Variants in WDR7 observed in about 807,000 individuals in gnomAD.
WDR7 encodes WD repeat domain 7.
Under a neutral mutation model 169.4 loss-of-function variants are expected in WDR7, and 46 were observed. The observed-to-expected ratio is 0.27, with a 90% CI of 0.21 to 0.35. The LOEUF (loss-of-function observed/expected upper bound fraction) is 0.35, where lower values mean the gene tolerates loss of function less well. Ranked by LOEUF, WDR7 falls within the 10% of genes least tolerant of loss-of-function variation. The probability of loss-of-function intolerance (pLI) is 1.00; values close to 1 mark genes in which losing one functional copy is unlikely to be tolerated. For missense variants in WDR7, 1,534 were observed against 1,859.3 expected (o/e 0.83, Z 3.22); for synonymous variants, 612 against 666.8 (o/e 0.92, Z 1.27).
intron 26 of WDR7, among the ~76,000 whole-genome samples, chr18:56,963,061 A>G (rs1200549442): frequency 6.6e-6 from 1 of 152,264 alleles, no homozygotes; most frequent in African/African-American, 2.4e-5. Context: ...CTTTTATAAC[A>G]CTTCACTGTT....
At chr18:56,776,068 C>T (rs2044238688) in intron 16 of WDR7, among the ~76,000 whole-genome samples, 2 of 151,848 alleles carry the variant, frequency 1.3e-5, no homozygotes, top group Admixed American at 6.6e-5. Context: ...TAAGCTGAAA[C>T]ATTTTCTTGG....
Position 56,831,988 on chromosome 18 carries a change from A to G in WDR7, c.3304+15844A>G, listed in dbSNP as rs551801503. On this transcript the variant is annotated intron_variant, in intron 20 of 27. Coordinates refer to ENST00000254442, the MANE Select transcript of WDR7 (RefSeq NM_015285.3). ...GTGGCACCTGGAACATCAGCACATC[A>G]GAACCGTTCACTCCCCTGGAAAGAG... is the stretch of plus-strand genomic sequence containing the variant. 1.9e-3 allele frequency among the ~76,000 whole-genome samples: 295 copies of G among 152,218 alleles called. 2 individuals are homozygous for G. Among genetic ancestry groups the G allele is most frequent in the African/African-American group, 6.9e-3 (285 of 41,540 alleles).
intron 27 of WDR7, among the ~76,000 whole-genome samples, chr18:57,022,814 G>T (rs779471735): frequency 3.9e-5 from 6 of 152,144 alleles, no homozygotes; most frequent in Non-Finnish European, 8.8e-5. Context: ...ACATCTTTTT[G>T]TCTTCCAGTT....
intron 26 of WDR7, among the ~76,000 whole-genome samples, chr18:56,971,829 C>T (rs73444861): frequency 3.9e-5 from 6 of 152,152 alleles, no homozygotes; most frequent in South Asian, 2.1e-4. Context: ...TGTGTGTGAA[C>T]GGTCCATATT....
intron 26 of WDR7, among the ~76,000 whole-genome samples, chr18:57,014,291 A>T (rs2048177413): frequency 6.8e-6 from 1 of 147,128 alleles, no homozygotes; most frequent in South Asian, 2.2e-4. Context: ...GTGCCATTGC[A>T]CTCTGCATTC....
intron 20 of WDR7, among the ~76,000 whole-genome samples, chr18:56,833,836 C>A (rs1210428643): frequency 1.3e-5 from 2 of 152,208 alleles, no homozygotes; most frequent in Non-Finnish European, 2.9e-5. Flanking sequence ...TGCTTACACA[C>A]TGTATTAATT....
intron 19 of WDR7, among the ~76,000 whole-genome samples, chr18:56,787,627 C>G (rs1312396128): frequency 6.6e-6 from 1 of 152,118 alleles, no homozygotes; most frequent in East Asian, 1.9e-4. Flanking sequence ...CCCTTGGAAA[C>G]AGAATAGGCT....
intron 12 of WDR7, among the ~76,000 whole-genome samples, chr18:56,705,372 A>C (rs1403965558): frequency 2.0e-5 from 3 of 152,030 alleles, no homozygotes; most frequent in Non-Finnish European, 4.4e-5. Context: ...GGAGTATGAT[A>C]AATCTTATGG....
chr18:56,962,686 G>C (rs1484359083), intron 26 of WDR7, among the ~76,000 whole-genome samples, 157 bp downstream of exon 26: 1 of 152,124 alleles, frequency 6.6e-6, no homozygotes, highest in Non-Finnish European at 1.5e-5. Context: ...AGAATATAGA[G>C]CCCTACTGTC....
chr18:57,014,281 G>A (rs1249627528), intron 26 of WDR7, among the ~76,000 whole-genome samples: 5 of 150,232 alleles, frequency 3.3e-5, no homozygotes, highest in African/African-American at 7.4e-5. Context: ...AGCCGAGATC[G>A]TGCCATTGCA....
At chr18:56,980,106 A>G (rs2047620357) in intron 26 of WDR7, among the ~76,000 whole-genome samples, 1 of 152,188 alleles carries the variant, frequency 6.6e-6, no homozygotes, top group Non-Finnish European at 1.5e-5. Context: ...GACTCAGGTT[A>G]GGCTCTACCA....
At chr18:57,036,458 G>A in the WDR7 span, 1 of 152,332 alleles carries the variant, frequency 6.6e-6, no homozygotes, top group Non-Finnish European at 1.5e-5. Flanking sequence ...ATCTCTGAAG[G>A]GCCATTCCAG....
intron 19 of WDR7, among the ~76,000 whole-genome samples, chr18:56,811,467 C>T (rs754580114): frequency 7.2e-5 from 11 of 151,974 alleles, no homozygotes; most frequent in Non-Finnish European, 1.3e-4. Context: ...CTTAATAGGG[C>T]CTTTGTAGAA....
At chr18:56,964,686 C>G (rs900454945) in intron 26 of WDR7, among the ~76,000 whole-genome samples, 2 of 152,132 alleles carry the variant, frequency 1.3e-5, no homozygotes, top group Non-Finnish European at 2.9e-5. Flanking sequence ...CTGCATCCAG[C>G]CTATTTAGAC....
At chr18:56,748,389 A>G (rs572685450) in intron 14 of WDR7, among the ~76,000 whole-genome samples, 3 of 152,274 alleles carry the variant, frequency 2.0e-5, no homozygotes, top group Non-Finnish European at 2.9e-5. Context: ...AGCTCTTAAT[A>G]TATTGATCTT....
Position 57,027,379 on chromosome 18 carries a change from C to A in WDR7, c.*172C>A. On this transcript the variant is annotated 3_prime_UTR_variant, in exon 28 of 28. Coordinates refer to ENST00000254442, the MANE Select transcript of WDR7 (RefSeq NM_015285.3). ...ATGCTTCTCAGGGGCAGAACCCGCT[C>A]GTGCCATCTGTCGATTCAGAGGCAC... 1.3e-6 allele frequency: 1 copy of A among 764,066 alleles called. No individual in the cohort carries two copies. The allele number at this position is 764,066 out of a possible 1,614,324, so 47.3% of individuals were successfully genotyped here.
chr18:56,670,806 T>A (rs71353976), intron 1 of WDR7, among the ~76,000 whole-genome samples: 10,027 of 152,242 alleles, frequency 0.066, 528 homozygotes, highest in East Asian at 0.25. Flanking sequence ...CCACCGCACC[T>A]GGCCATCGCC....
At chr18:56,847,842 A>G (rs188525438) in intron 20 of WDR7, among the ~76,000 whole-genome samples, 3 of 152,368 alleles carry the variant, frequency 2.0e-5, no homozygotes, top group Non-Finnish European at 4.4e-5. Context: ...GCAAGAGTCA[A>G]GGAGACTTGA....
chr18:56,951,475 T>A (rs2047182068), intron 25 of WDR7, among the ~76,000 whole-genome samples: 1 of 152,202 alleles, frequency 6.6e-6, no homozygotes. Context: ...TGTCATCTCA[T>A]CTGTCGATTC....
Sources: gnomAD v4.1 joint callset for allele counts (sites outside exome capture counted in the v4.1 genomes callset) on GRCh38, gnomAD v4.1.1 for gene constraint, MANE v1.5 for transcripts, NCBI Gene and HGNC (gene_info 2026-07-23, HGNC 2026-07-21) for gene names.